DPH1: variants seen among roughly 807,000 people sequenced by gnomAD.
DPH1 encodes the protein 2-(3-amino-3-carboxypropyl)histidine synthase subunit 1.
In DPH1, 59 loss-of-function variants were observed where a neutral mutation model predicts 55.3. That is an observed-to-expected ratio of 1.07 (90% CI 0.87 to 1.33). The LOEUF (loss-of-function observed/expected upper bound fraction) is 1.33, where lower values mean the gene tolerates loss of function less well. Among genes scored for constraint, DPH1 ranks in the 40% most tolerant of loss-of-function variants. DPH1 has a pLI of 0.00. For synonymous variants in DPH1, 238 were observed against 235.5 expected (o/e 1.01, Z -0.10); for missense variants, 628 against 584.8 (o/e 1.07, Z -0.76).
At position 2,041,495 on chromosome 17, in the gene DPH1, G is replaced by A. The variant is rs756306803; in HGVS notation, c.1101G>A (p.Leu367=). The A allele has an allele frequency of 1.2e-6, 2 of 1,610,396 alleles. No individual in the cohort carries two copies. The highest frequency in any genetic ancestry group is 4.5e-5 in the East Asian group (2 of 44,824). Residue 367 remains leucine, a synonymous_variant, in exon 11 of 13, where the codon CTG becomes CTA. Coordinates refer to ENST00000263083, the MANE Select transcript of DPH1 (RefSeq NM_001383.6). ...CCCTCCCCTAGGCGGCCGTGGCTCT[G>A]AGGGACATTTCCTGGCAGCAGCCCT... ...LLTPYEAAVA[L]RDISWQQPYP... is the part of the protein sequence containing the mutation.
In DPH1 at chr17:2,041,182, G is replaced by A. The variant is rs1164360598; in HGVS notation, c.1086+1G>A. ...CAAGCCGCTGCTGACACCCTATGAG[G>A]TAACACCAAGCTCTGGGAGAGAGTG... On this transcript the variant is annotated splice_donor_variant, in intron 10 of 12. Transcript: ENST00000263083. LOFTEE classifies it high-confidence loss of function. 3.1e-6 allele frequency: 5 copies of A among 1,602,728 alleles called. No homozygotes were observed. The highest frequency in any genetic ancestry group is 4.3e-6 in the Non-Finnish European group (5 of 1,174,320).
chr17:2,040,370 T>C lies in DPH1; in HGVS notation c.902T>C (p.Leu301Pro). ...GGCCGCCAGGGCAGTCCTAAGATCC[T>C]GGAGGTCAGTGGGCTCAGGACAGCC... ...TLGRQGSPKI[L>P]EHLESRLRAL... Residue 301 changes from leucine (L) to proline (P), a missense_variant, in exon 8 of 13, where the codon CTG (leucine) becomes CCG (proline). Transcript: ENST00000263083. 6.2e-7 allele frequency: 1 copy of C among 1,613,900 alleles called. No homozygotes were observed. The highest frequency in any genetic ancestry group is 1.1e-5 in the South Asian group (1 of 91,084).
At position 2,032,855 on chromosome 17, in the gene DPH1, T is replaced by C. The variant is rs146295437; in HGVS notation, c.62-650T>C. On this transcript the variant is annotated intron_variant, in intron 1 of 12. Coordinates refer to ENST00000263083, the MANE Select transcript of DPH1 (RefSeq NM_001383.6). Reference sequence around the variant, plus strand: ...GCCTCCCGGGTTCACCCCATTCTCCTGCCTTAGCTGGGACTACAGGTGCCT... The same window carrying C: ...GCCTCCCGGGTTCACCCCATTCTCCCGCCTTAGCTGGGACTACAGGTGCCT... Among the ~76,000 whole-genome samples the C allele has an allele frequency of 3.7e-3, 561 of 152,322 alleles. 2 individuals are homozygous for C. Among genetic ancestry groups the C allele is most frequent in the Non-Finnish European group, 6.8e-3 (461 of 68,028 alleles).
chr17:2,034,140 G>A (rs902820546), intron 3 of DPH1, among the ~76,000 whole-genome samples: 1 of 152,028 alleles, frequency 6.6e-6, no homozygotes, highest in Admixed American at 6.5e-5. Context: ...GACCTGGGGA[G>A]GACCCTAAGA....
intron 12 of DPH1, 102 bp from the exon 13 acceptor site, chr17:2,042,503 T>TC: frequency 6.9e-7 from 1 of 1,442,854 alleles, no homozygotes; most frequent in Non-Finnish European, 9.1e-7. Flanking sequence ...CTCGATTCCC[T>TC]TTTTCTCTCT....
Position 2,042,661 on chromosome 17 carries a change from G to C in DPH1, c.*75G>C. Reference sequence around the variant, plus strand: ...CTGGTGGTTTTCAGAGCAGGAGGCCGACGTTTTCTCCGCATTGGAAGAGCC... The same window carrying C: ...CTGGTGGTTTTCAGAGCAGGAGGCCCACGTTTTCTCCGCATTGGAAGAGCC... On this transcript the variant is annotated 3_prime_UTR_variant, in exon 13 of 13. Coordinates refer to ENST00000263083, the MANE Select transcript of DPH1 (RefSeq NM_001383.6). 6.6e-7 allele frequency: 1 copy of C among 1,524,386 alleles called. No homozygotes were observed. The highest frequency in any genetic ancestry group is 2.2e-5 in the Admixed American group (1 of 44,482). 94.4% of individuals were successfully genotyped at this position (1,524,386 alleles called of 1,614,324 possible).
chr17:2,039,374 CT>C (rs550518816), intron 6 of DPH1: 1,832 of 142,346 alleles, frequency 0.013, 2 homozygotes, highest in South Asian at 0.04. Flanking sequence ...CTGTGGACTT[CT>C]TTTTTTTTTT....
rs2067431189 is a variant in DPH1, at chr17:2,036,653, G to A, written c.525G>A (p.Leu175=). The stretch of plus-strand genomic sequence containing the variant: ...TTCCCCCAGCCACTGCCCTTGCCCT[G>A]GTCAGCACCATTCAGTTTGTGTCGA... ...LTFPPATALA[L]VSTIQFVSTL... The change falls in exon 5 of 13, where the codon CTG becomes CTA. Residue 175 remains leucine (L), a synonymous_variant. Transcript: ENST00000263083. The surrounding 1 kb of genome is among the most constrained non-coding windows in gnomAD (Gnocchi z 4.8). 5 of 1,614,104 alleles carry A rather than the reference G, an allele frequency of 3.1e-6. No homozygotes were observed. The highest frequency in any genetic ancestry group is 4.2e-6 in the Non-Finnish European group (5 of 1,180,006).
intron 1 of DPH1, among the ~76,000 whole-genome samples, chr17:2,032,893 G>A (rs1477380208): frequency 2.0e-5 from 3 of 152,228 alleles, no homozygotes; most frequent in East Asian, 1.9e-4. Context: ...CACCAGGCCC[G>A]GCTAATTTTT....
At chr17:2,033,254 AACCAGGCATCTCGT>A in intron 1 of DPH1, 1 of 581,138 alleles carries the variant, frequency 1.7e-6, no homozygotes, top group Non-Finnish European at 3.0e-6. Context: ...TTCTATAGGG[AACCAGGCATCTCGT>A]GACTCTGACT....
chr17:2,042,104 G>A, intron 12 of DPH1: 1 of 1,569,608 alleles, frequency 6.4e-7, no homozygotes, highest in African/African-American at 1.4e-5. Flanking sequence ...GGCAGAGCGA[G>A]CGGGGCTTCC....
chr17:2,042,770 G>C lies in DPH1; in HGVS notation c.*184G>C, dbSNP rs1296903159. 1 of 1,609,304 alleles carries C rather than the reference G, an allele frequency of 6.2e-7. No individual in the cohort carries two copies. Among genetic ancestry groups the C allele is most frequent in the Non-Finnish European group, 8.5e-7 (1 of 1,178,120 alleles). ...CTGGGGCCTTTTGACGGCCTTCTTG[G>C]TTTCAGCCAAGGGGCTGCGCTAGCA... On this transcript the variant is annotated 3_prime_UTR_variant, in exon 13 of 13. Coordinates refer to ENST00000263083, the MANE Select transcript of DPH1 (RefSeq NM_001383.6).
At chr17:2,041,678 C>A in intron 11 of DPH1, 57 bp downstream of exon 11, 1 of 1,579,232 alleles carries the variant, frequency 6.3e-7, no homozygotes. Context: ...GGCCGCCGCC[C>A]TGCGACCGCG....
Position 2,041,562 on chromosome 17 carries a change from A to G in DPH1, c.1168A>G (p.Thr390Ala), listed in dbSNP as rs1422296759. 1 of 1,611,428 alleles carries G rather than the reference A, an allele frequency of 6.2e-7. No individual in the cohort carries two copies. Among genetic ancestry groups the G allele is most frequent in the Non-Finnish European group, 8.5e-7 (1 of 1,179,202 alleles). The change falls in exon 11 of 13, where the codon ACG (threonine) becomes GCG (alanine). Residue 390 changes from threonine (T) to alanine (A), a missense_variant. Thr to Ala is a moderately conservative substitution (Grantham distance 58). Coordinates refer to ENST00000263083, the MANE Select transcript of DPH1 (RefSeq NM_001383.6). ...FYAGSSLGPWTVNHGQDRRPH... is the reference protein window; with the variant it reads ...FYAGSSLGPWAVNHGQDRRPH... The stretch of plus-strand genomic sequence containing the variant: ...CGCTGGCAGCTCCTTGGGGCCCTGG[A>G]CGGTGAACCACGGCCAGGACCGCCG...
Position 2,036,575 on chromosome 17 carries a change from T to C in DPH1, c.447T>C (p.Phe149=), listed in dbSNP as rs2067429122. ...SAQDFRVLYV[F]VDIRIDTTHL... ...AAGACTTCCGGGTGCTGTACGTCTT[T>C]GTGGACATCCGGATAGACACTACAC... Residue 149 remains phenylalanine, a synonymous_variant, in exon 5 of 13, where the codon TTT becomes TTC. Coordinates refer to ENST00000263083, the MANE Select transcript of DPH1 (RefSeq NM_001383.6). This position sits in a 1 kb window ranked among gnomAD's most constrained non-coding sequence, Gnocchi z 4.8. The C allele has an allele frequency of 6.2e-7, 1 of 1,613,956 alleles. No individual in the cohort carries two copies. Among genetic ancestry groups the C allele is most frequent in the African/African-American group, 1.3e-5 (1 of 74,910 alleles).
rs145563575 is a variant in DPH1 at position 2,042,604 on chromosome 17, G to A, written c.*19-1G>A. 247 of 1,514,380 alleles carry A rather than the reference G, an allele frequency of 1.6e-4. No individual in the cohort carries two copies. The African/African-American group carries it at 3.1e-3, about 19-fold the overall frequency. The allele number at this position is 1,514,380 out of a possible 1,614,324, so 93.8% of individuals were successfully genotyped here. Reference sequence around the variant, plus strand: ...CATCCTTTTTCCTCATATCGCTGTAGGGTCCTGCCCTCCGGAGGAGCAGCC... The same window carrying A: ...CATCCTTTTTCCTCATATCGCTGTAAGGTCCTGCCCTCCGGAGGAGCAGCC... On this transcript the variant is annotated splice_acceptor_variant, in intron 12 of 12. Coordinates refer to ENST00000263083, the MANE Select transcript of DPH1 (RefSeq NM_001383.6). LOFTEE classifies it low-confidence loss of function (3UTR_SPLICE).
In DPH1 at chr17:2,033,543, CCT is replaced by C. The variant is rs751982099; in HGVS notation, c.101_102del (p.Pro34ArgfsTer22). On this transcript the variant is annotated frameshift_variant, in exon 2 of 13. Coordinates refer to ENST00000263083, the MANE Select transcript of DPH1 (RefSeq NM_001383.6). LOFTEE classifies it high-confidence loss of function. ...GGGCCGCGTGGCCAATCAGATCCCCCCTGAGATCCTGAAGAACCCTCAGCTGC... is the reference window on the plus strand; with the variant it reads ...GGGCCGCGTGGCCAATCAGATCCCCCGAGATCCTGAAGAACCCTCAGCTGC... The part of the protein sequence containing the change: ...PRGRVANQIP[P>X]EILKNPQLQA... 6.2e-7 allele frequency: 1 copy of C among 1,614,216 alleles called. No homozygotes were observed. The highest frequency in any genetic ancestry group is 1.1e-5 in the South Asian group (1 of 91,090).
At chr17:2,038,801 A>C (rs2067465497) in intron 6 of DPH1, among the ~76,000 whole-genome samples, 1 of 152,120 alleles carries the variant, frequency 6.6e-6, no homozygotes, top group Non-Finnish European at 1.5e-5. Flanking sequence ...TGTGAAGGAG[A>C]ATCTGTTCCC....
chr17:2,035,303 G>T (rs1175750186), intron 3 of DPH1, among the ~76,000 whole-genome samples: 8 of 152,054 alleles, frequency 5.3e-5, no homozygotes, highest in African/African-American at 1.9e-4. Context: ...TCTGGCCAGA[G>T]CCTCCTCTTC....
Sources: allele counts gnomAD v4.1 joint callset (sites outside exome capture counted in the v4.1 genomes callset), GRCh38; gene constraint gnomAD v4.1.1; non-coding constraint Gnocchi (gnomAD v3.1); transcripts MANE v1.5; gene names NCBI Gene and HGNC (gene_info 2026-07-23, HGNC 2026-07-21).